Variants in NT5DC3 observed in about 807,000 individuals in gnomAD.
NT5DC3 encodes 5'-nucleotidase domain containing 3.
Under a neutral mutation model 67.8 loss-of-function variants are expected in NT5DC3, and 42 were observed. The observed-to-expected ratio is 0.62, with a 90% CI of 0.48 to 0.80. The LOEUF (loss-of-function observed/expected upper bound fraction) is 0.80. NT5DC3 is among the 30% of genes least tolerant of loss of function. The probability of loss-of-function intolerance (pLI) is 0.00; values close to 1 mark genes in which losing one functional copy is unlikely to be tolerated. For missense variants in NT5DC3, 570 were observed against 696.4 expected, an observed-to-expected ratio of 0.82 and a Z score of 2.04; for synonymous variants, 237 against 255.6, an observed-to-expected ratio of 0.93 and a Z score of 0.69.
intron 1 of NT5DC3, among the ~76,000 whole-genome samples, chr12:103,831,428 T>C (rs1174272994): frequency 2.6e-5 from 4 of 152,172 alleles, no homozygotes; most frequent in African/African-American, 4.8e-5. Context: ...AATGGACTCA[T>C]ACAGATTGCC....
At position 103,831,770 on chromosome 12, in the gene NT5DC3, CTTT is replaced by C. The variant is rs568035358; in HGVS notation, c.208+9176_208+9178del. 6.2e-3 allele frequency among the ~76,000 whole-genome samples: 683 copies of C among 109,646 alleles called. 2 individuals carry two copies. Among genetic ancestry groups the C allele is most frequent in the Non-Finnish European group, 8.9e-3 (495 of 55,666 alleles). 71.9% of individuals were successfully genotyped at this position (109,646 alleles called of 152,430 possible). A position where few individuals can be genotyped will look rare whatever the true frequency, so the allele number is the denominator to read the frequency against. ...GTCATCATTCGGGTTTCAGCATCCTCTTTTTTTTTTTTTTTTTTTTTTTGAGAC... is the reference window on the plus strand; with the variant it reads ...GTCATCATTCGGGTTTCAGCATCCTCTTTTTTTTTTTTTTTTTTTTGAGAC... On this transcript the variant is annotated intron_variant, in intron 1 of 13. Coordinates refer to ENST00000392876, the MANE Select transcript of NT5DC3 (RefSeq NM_001031701.3).
chr12:103,829,656 C>CAAT (rs1887841384), intron 1 of NT5DC3, among the ~76,000 whole-genome samples: 2 of 152,150 alleles, frequency 1.3e-5, no homozygotes, highest in African/African-American at 4.8e-5. Context: ...ACATTCTATG[C>CAAT]TATTTCTTGC....
chr12:103,750,659 C>T, the NT5DC3 span: 3 of 1,614,246 alleles, frequency 1.9e-6, no homozygotes, highest in South Asian at 2.2e-5. Flanking sequence ...CCATTGACCG[C>T]TGCTTACAGG....
chr12:103,840,895 C>T, intron 1 of NT5DC3, 54 bp downstream of exon 1: 1 of 1,151,226 alleles, frequency 8.7e-7, no homozygotes. Context: ...CGCTTCCCAG[C>T]TGAGCGCGCA....
the NT5DC3 span, among the ~76,000 whole-genome samples, chr12:103,748,605 TACACACACACACACACAC>T: frequency 0.016 from 2,261 of 141,674 alleles, 23 homozygotes; most frequent in East Asian, 0.051. Context: ...CACACACACA[TACACACACACACACACAC>T]ACACACACAC....
In NT5DC3 at chr12:103,772,695, G is replaced by T. The variant is rs543631155; in HGVS notation, c.*5134C>A. The stretch of plus-strand genomic sequence containing the variant: ...ATGAGGTCTCACTGACCCCACAAGG[G>T]GCTCTGGAGCTGGGATGGCCCCAGA... On this transcript the variant is annotated 3_prime_UTR_variant, in exon 14 of 14. Coordinates refer to ENST00000392876, the MANE Select transcript of NT5DC3 (RefSeq NM_001031701.3). The T allele has an allele frequency of 6.6e-6, 1 of 152,420 alleles. No individual in the cohort carries two copies. Among genetic ancestry groups the T allele is most frequent in the African/African-American group, 2.4e-5 (1 of 41,460 alleles). 9.4% of individuals were successfully genotyped at this position (152,420 alleles called of 1,614,324 possible). A position where few individuals can be genotyped will look rare whatever the true frequency, so the allele number is the denominator to read the frequency against.
rs1593453138 is a variant in NT5DC3 at position 103,841,046 on chromosome 12, C to A, written c.111G>T (p.Ala37=). ...CAGTGCACAAGGGCCGGGCGGGGCC[C>A]GCACACGGCCGCCCCCGAGCCGCGG... ...CGTAARGRPC[A]GPARPLCTAP... Residue 37 remains alanine (A), a synonymous_variant, in exon 1 of 14, where the codon GCG becomes GCT. Transcript: ENST00000392876. 7.9e-7 allele frequency: 1 copy of A among 1,261,102 alleles called. No homozygotes were observed. Among genetic ancestry groups the A allele is most frequent in the Non-Finnish European group, 9.9e-7 (1 of 1,005,818 alleles). The allele number at this position is 1,261,102 out of a possible 1,614,324, so 78.1% of individuals were successfully genotyped here.
chr12:103,754,878 G>A, the NT5DC3 span, among the ~76,000 whole-genome samples: 1 of 151,808 alleles, frequency 6.6e-6, no homozygotes, highest in Non-Finnish European at 1.5e-5. Flanking sequence ...CTTGGGAAAT[G>A]GAGGTTGCAA....
At chr12:103,802,045 T>A (rs188444564) in intron 4 of NT5DC3, 1 of 152,208 alleles carries the variant, frequency 6.6e-6, no homozygotes, top group Non-Finnish European at 1.5e-5. Flanking sequence ...CGTGAGTGAC[T>A]CGAGTCCACA....
downstream of NT5DC3, chr12:103,766,045 C>T (rs544254949): frequency 9.1e-6 from 6 of 659,348 alleles, no homozygotes; most frequent in South Asian, 1.5e-5. Flanking sequence ...AAACTGCAGC[C>T]GAGTTGGGAT....
Position 103,782,639 on chromosome 12 carries a change from T to C in NT5DC3, c.1330-2275A>G, listed in dbSNP as rs1593383459. Among the ~76,000 whole-genome samples the C allele has an allele frequency of 2.6e-5, 4 of 152,316 alleles. No individual in the cohort carries two copies. In the East Asian group the frequency reaches 7.7e-4, roughly 29 times the overall value. On this transcript the variant is annotated intron_variant, in intron 12 of 13. Coordinates refer to ENST00000392876, the MANE Select transcript of NT5DC3 (RefSeq NM_001031701.3). ...ACTGGTTGGTTACCTGAGAAGCGGC[T>C]ACCAATGCCAGCACCACCACCATGA...
At chr12:103,788,485 C>T (rs1885893095) in intron 10 of NT5DC3, among the ~76,000 whole-genome samples, 1 of 152,132 alleles carries the variant, frequency 6.6e-6, no homozygotes, top group South Asian at 2.1e-4. Context: ...GTGTACAAAA[C>T]ATGTATTGTC....
intron 4 of NT5DC3, among the ~76,000 whole-genome samples, chr12:103,801,701 T>G (rs1593407435): frequency 6.6e-6 from 1 of 152,086 alleles, no homozygotes; most frequent in South Asian, 2.1e-4. Context: ...TTTTTTTAAA[T>G]GTATTTAACA....
At chr12:103,756,757 G>A in the NT5DC3 span, among the ~76,000 whole-genome samples, 5 of 151,964 alleles carry the variant, frequency 3.3e-5, no homozygotes, top group Non-Finnish European at 5.9e-5. Flanking sequence ...GGATCCATGT[G>A]GAAGTTAGAC....
intron 1 of NT5DC3, among the ~76,000 whole-genome samples, chr12:103,832,503 T>A (rs115774047): frequency 0.017 from 2,530 of 145,242 alleles, 72 homozygotes; most frequent in African/African-American, 0.062. Context: ...GGCAAAAAAA[T>A]TATTTAATCT....
At chr12:103,788,749 A>G in intron 10 of NT5DC3, 89 bp downstream of exon 10, 1 of 854,494 alleles carries the variant, frequency 1.2e-6, no homozygotes, top group Non-Finnish European at 2.0e-6. Context: ...TGTGCCAGGC[A>G]TACAGTAAGC....
Position 103,780,332 on chromosome 12 carries a change from C to A in NT5DC3, c.1362G>T (p.Leu454Phe). ...CCTTCCTTTCCTTTTTCCACTCCTG[C>A]AAAACCAGCTGTGACTCAGCATCTC... is the stretch of plus-strand genomic sequence containing the variant. ...VHRDAESQLVLQEWKKERKEM... is the reference protein window; with the variant it reads ...VHRDAESQLVFQEWKKERKEM... Residue 454 changes from leucine (L) to phenylalanine (F), a missense_variant, in exon 13 of 14, where the codon TTG (leucine) becomes TTT (phenylalanine). By Grantham distance (22) the Leu-to-Phe change is conservative. Around this residue, in one of 2 missense-constraint regions of NT5DC3, gnomAD observed 466 missense variants for 608.0 expected, o/e 0.77. Transcript: ENST00000392876. 1 of 1,614,146 alleles carries A rather than the reference C, an allele frequency of 6.2e-7. No individual in the cohort carries two copies. Among genetic ancestry groups the A allele is most frequent in the South Asian group, 1.1e-5 (1 of 91,084 alleles).
intron 1 of NT5DC3, chr12:103,819,584 G>C (rs776633048): frequency 3.3e-5 from 5 of 152,230 alleles, no homozygotes; most frequent in Non-Finnish European, 5.9e-5. Context: ...AAGCCACTCT[G>C]AGCTGGGAGC....
At chr12:103,815,486 A>G (rs1887212715) in intron 1 of NT5DC3, among the ~76,000 whole-genome samples, 1 of 152,228 alleles carries the variant, frequency 6.6e-6, no homozygotes, top group Non-Finnish European at 1.5e-5. Flanking sequence ...CAGTGGCACA[A>G]TCACAGCTCA....
Sources: gnomAD v4.1 joint callset for allele counts (sites outside exome capture counted in the v4.1 genomes callset) on GRCh38, gnomAD v4.1.1 for gene constraint, gnomAD v4.1.1 regional missense constraint, MANE v1.5 for transcripts, NCBI Gene and HGNC (gene_info 2026-07-23, HGNC 2026-07-21) for gene names.